SEMA3D: variants seen among roughly 807,000 people sequenced by gnomAD.
SEMA3D encodes semaphorin 3D.
A neutral mutation model predicts 100.1 loss-of-function variants in SEMA3D; 84 were observed. The ratio of observed to expected loss-of-function variants is 0.84; its 90% CI spans 0.70 to 1.01. The LOEUF (loss-of-function observed/expected upper bound fraction) is 1.01, where lower values mean the gene tolerates loss of function less well. SEMA3D is among the 50% of genes least tolerant of loss of function. The pLI is 0.00. For missense variants in SEMA3D, 875 were observed against 934.1 expected (o/e 0.94, Z 0.82); for synonymous variants, 312 against 320.7 (o/e 0.97, Z 0.29).
the SEMA3D span, among the ~76,000 whole-genome samples, chr7:85,215,208 A>C: frequency 6.6e-6 from 1 of 150,714 alleles, no homozygotes; most frequent in Non-Finnish European, 1.5e-5. Context: ...ATTGCCCTGC[A>C]CTCATTAACT....
chr7:84,999,576 T>G lies in SEMA3D; in HGVS notation c.2198A>C (p.Gln733Pro). ...TCTCCGCTTCTCCCTGTGCCACATC[T>G]GTTCGCAGTACTGGTCGAGGCTGAA... ...PNFSLDQYCE[Q>P]MWHREKRRQR... Residue 733 changes from glutamine (Q) to proline (P), a missense_variant, in exon 19 of 19, where the codon CAG becomes CCG. Coordinates refer to ENST00000284136, the MANE Select transcript of SEMA3D (RefSeq NM_001384900.1). The G allele has an allele frequency of 6.2e-7, 1 of 1,614,154 alleles. No individual in the cohort carries two copies. The highest frequency in any genetic ancestry group is 1.1e-5 in the South Asian group (1 of 91,084).
intron 9 of SEMA3D, among the ~76,000 whole-genome samples, chr7:85,044,909 T>C (rs1790964068): frequency 1.3e-5 from 2 of 152,168 alleles, no homozygotes; most frequent in African/African-American, 4.8e-5. Context: ...AAATTCCCTC[T>C]ACTCAACTCC....
chr7:85,131,854 G>A (rs74727420), intron 2 of SEMA3D, among the ~76,000 whole-genome samples: 2 of 151,912 alleles, frequency 1.3e-5, no homozygotes, highest in African/African-American at 4.8e-5. Flanking sequence ...AACTAGTATA[G>A]TATGGTTTAA....
intron 3 of SEMA3D, among the ~76,000 whole-genome samples, chr7:85,121,164 C>T (rs1299633091): frequency 6.6e-6 from 1 of 152,164 alleles, no homozygotes; most frequent in African/African-American, 2.4e-5. Context: ...TGAAACTGGA[C>T]ACAGACACAC....
chr7:85,020,813 G>A (rs958061298), intron 13 of SEMA3D, among the ~76,000 whole-genome samples: 1 of 151,326 alleles, frequency 6.6e-6, no homozygotes, highest in African/African-American at 2.4e-5. Flanking sequence ...GCTATCTGAG[G>A]GAAATTGTAG....
chr7:85,214,715 C>T, the SEMA3D span, among the ~76,000 whole-genome samples: 59 of 152,028 alleles, frequency 3.9e-4, no homozygotes, highest in Non-Finnish European at 7.8e-4. Flanking sequence ...AGGCTAGTCT[C>T]GAACTCCCAA....
chr7:85,056,294 A>T (rs1451702695), intron 8 of SEMA3D, among the ~76,000 whole-genome samples: 1 of 152,056 alleles, frequency 6.6e-6, no homozygotes. Flanking sequence ...AGGGGTATAA[A>T]AATGGAAACA....
intron 12 of SEMA3D, among the ~76,000 whole-genome samples, chr7:85,027,096 C>T (rs777421671): frequency 2.2e-4 from 33 of 152,068 alleles, no homozygotes; most frequent in Non-Finnish European, 4.4e-4. Flanking sequence ...AAACCAAGCT[C>T]AGGCATGGCA....
chr7:85,064,342 G>T (rs1791555103), intron 8 of SEMA3D, among the ~76,000 whole-genome samples: 1 of 152,162 alleles, frequency 6.6e-6, no homozygotes, highest in Non-Finnish European at 1.5e-5. Flanking sequence ...GCTTTGCTTT[G>T]CATGTGTGTT....
At chr7:85,018,051 A>C (rs1790153117) in intron 15 of SEMA3D, among the ~76,000 whole-genome samples, 2 of 151,798 alleles carry the variant, frequency 1.3e-5, no homozygotes, top group Admixed American at 6.6e-5. Flanking sequence ...AGAATGCATC[A>C]TTCAATTAAT....
the SEMA3D span, among the ~76,000 whole-genome samples, chr7:85,245,661 G>A: frequency 6.6e-6 from 1 of 152,094 alleles, no homozygotes; most frequent in African/African-American, 2.4e-5. Context: ...ACAAAGATAA[G>A]CCGATTAAAT....
At position 85,121,813 on chromosome 7, in the gene SEMA3D, T is replaced by C. The variant is rs767675570; in HGVS notation, c.79A>G (p.Met27Val). ...HLFPALMMLS[M>V]TMLFLPVTGT... ...GTGACTGGAAGAAACAACATGGTCA[T>C]GCTTAGCATCATCAAAGCAGGAAAA... The change falls in exon 3 of 19, where the codon ATG becomes GTG. Residue 27 changes from methionine to valine, a missense_variant. Transcript: ENST00000284136. 2 of 1,610,912 alleles carry C rather than the reference T, an allele frequency of 1.2e-6. No homozygotes were observed. Among genetic ancestry groups the C allele is most frequent in the Admixed American group, 3.4e-5 (2 of 59,668 alleles).
chr7:85,166,674 G>A (rs1790916168), intron 1 of SEMA3D, among the ~76,000 whole-genome samples: 1 of 151,918 alleles, frequency 6.6e-6, no homozygotes, highest in African/African-American at 2.4e-5. Flanking sequence ...AATTGGGATG[G>A]GAACCCAGGT....
chr7:85,127,378 C>G (rs1445737666), intron 2 of SEMA3D, among the ~76,000 whole-genome samples: 1 of 152,100 alleles, frequency 6.6e-6, no homozygotes, highest in Non-Finnish European at 1.5e-5. Flanking sequence ...TAACATTTTA[C>G]TTGGGTTTGC....
intron 1 of SEMA3D, among the ~76,000 whole-genome samples, chr7:85,164,944 TAGA>T (rs1331060057): frequency 1.3e-5 from 2 of 152,208 alleles, no homozygotes; most frequent in East Asian, 3.9e-4. Flanking sequence ...ACAAGAAATA[TAGA>T]AGATGTCATT....
chr7:85,236,288 T>A, the SEMA3D span, among the ~76,000 whole-genome samples: 134 of 131,688 alleles, frequency 1.0e-3, no homozygotes, highest in Middle Eastern at 7.6e-3. Flanking sequence ...TTATTTTATT[T>A]ATTTATTTAT....
chr7:85,098,103 GAA>G, intron 3 of SEMA3D, 138 bp from the exon 4 acceptor site: 1 of 554,834 alleles, frequency 1.8e-6, no homozygotes, highest in Non-Finnish European at 3.0e-6. Context: ...AAGAAAGAAA[GAA>G]AGAGAAAGAA....
chr7:85,098,091 AAAAG>A (rs369643030), intron 3 of SEMA3D, 126 bp from the exon 4 acceptor site: 83 of 607,412 alleles, frequency 1.4e-4, no homozygotes, highest in Middle Eastern at 4.9e-4. Flanking sequence ...AAAGAAAGAA[AAAAG>A]AAAGAAAGAA....
intron 8 of SEMA3D, among the ~76,000 whole-genome samples, chr7:85,056,782 T>C (rs1337486304): frequency 1.3e-5 from 2 of 150,176 alleles, no homozygotes; most frequent in African/African-American, 4.9e-5. Flanking sequence ...ATCCGTGGTA[T>C]ATATTAGTTG....
Sources: gnomAD v4.1 joint callset for allele counts (sites outside exome capture counted in the v4.1 genomes callset) on GRCh38, gnomAD v4.1.1 for gene constraint, MANE v1.5 for transcripts, NCBI Gene and HGNC (gene_info 2026-07-23, HGNC 2026-07-21) for gene names.